The following PSAP variants were observed in gnomAD, a reference collection of about 807,000 sequenced individuals.
The protein encoded by PSAP is prosaposin, also known as precursor of saposins.
Under a neutral mutation model 66.0 loss-of-function variants are expected in PSAP, and 25 were observed. The ratio of observed to expected loss-of-function variants is 0.38; its 90% CI spans 0.28 to 0.53. The LOEUF is 0.53. Ranked by LOEUF, PSAP falls within the 20% of genes least tolerant of loss-of-function variation. PSAP has a pLI of 0.83. For missense variants in PSAP, 649 were observed against 668.8 expected, an observed-to-expected ratio of 0.97 and a Z score of 0.33; for synonymous variants, 273 against 258.9, an observed-to-expected ratio of 1.05 and a Z score of -0.52.
At chr10:71,828,262 T>C in intron 5 of PSAP, 105 bp from the exon 6 acceptor site, 2 of 1,200,172 alleles carry the variant, frequency 1.7e-6, no homozygotes, top group African/African-American at 3.0e-5. Context: ...TGCTGACCAG[T>C]TCCTAAGATG....
At chr10:71,821,518 A>T (rs945041257) in intron 8 of PSAP, among the ~76,000 whole-genome samples, 1 of 152,196 alleles carries the variant, frequency 6.6e-6, no homozygotes, top group African/African-American at 2.4e-5. Flanking sequence ...TGCTGGGAAC[A>T]TCCAGTCTGT....
chr10:71,824,248 C>A (rs528047064), intron 7 of PSAP, among the ~76,000 whole-genome samples: 2 of 152,334 alleles, frequency 1.3e-5, no homozygotes, highest in South Asian at 4.1e-4. Context: ...CAGGAGCCCA[C>A]ACTGGCCCCG....
intron 1 of PSAP, among the ~76,000 whole-genome samples, chr10:71,841,727 C>T (rs1156922880): frequency 6.6e-6 from 1 of 152,074 alleles, no homozygotes; most frequent in Non-Finnish European, 1.5e-5. Flanking sequence ...AAAAAATGGC[C>T]AGGTGCAGTG....
chr10:71,823,851 G>T, intron 7 of PSAP: 1 of 1,281,216 alleles, frequency 7.8e-7, no homozygotes, highest in African/African-American at 1.5e-5. Flanking sequence ...AGAGGAAGCA[G>T]CAGACCACTA....
Position 71,851,185 on chromosome 10 carries a change from C to G in PSAP, c.37G>C (p.Ala13Pro), listed in dbSNP as rs1327390670. ...GGATGAGGGTCCCAGGGCTTACCCG[C>G]GCCCAGGAGGCTGGCCAGGAGGAAG... ...ALFLLASLLGAALAGPVLGLK... is the reference protein window; with the variant it reads ...ALFLLASLLGPALAGPVLGLK... Residue 13 changes from alanine (A) to proline (P), a missense_variant, in exon 1 of 14, where the codon GCG becomes CCG. Ala to Pro is a conservative substitution (Grantham distance 27). Coordinates refer to ENST00000394936, the MANE Select transcript of PSAP (RefSeq NM_002778.4). The G allele has an allele frequency of 6.4e-7, 1 of 1,551,080 alleles. No homozygotes were observed. Among genetic ancestry groups the G allele is most frequent in the Non-Finnish European group, 8.7e-7 (1 of 1,146,822 alleles).
chr10:71,834,024 C>T (rs1842573420), intron 2 of PSAP, among the ~76,000 whole-genome samples: 2 of 152,182 alleles, frequency 1.3e-5, no homozygotes, highest in African/African-American at 4.8e-5. Context: ...TGGGCACTGC[C>T]AACCCACTGG....
At chr10:71,840,555 C>T (rs1377526699) in intron 1 of PSAP, among the ~76,000 whole-genome samples, 1 of 152,200 alleles carries the variant, frequency 6.6e-6, no homozygotes, top group Non-Finnish European at 1.5e-5. Flanking sequence ...CTGAATCATT[C>T]AGAATAGTAT....
At chr10:71,823,008 T>C (rs1469456543) in intron 7 of PSAP, among the ~76,000 whole-genome samples, 2 of 151,576 alleles carry the variant, frequency 1.3e-5, no homozygotes, top group Non-Finnish European at 2.9e-5. Flanking sequence ...AGCAAGCTTT[T>C]TAGAAAAAAA....
At chr10:71,844,784 A>T (rs374853664) in intron 1 of PSAP, 1 of 152,228 alleles carries the variant, frequency 6.6e-6, no homozygotes, top group African/African-American at 2.4e-5. Flanking sequence ...ATTCTAAAAG[A>T]CATAACAGTA....
intron 1 of PSAP, among the ~76,000 whole-genome samples, chr10:71,835,126 C>T (rs1318360908): frequency 6.6e-6 from 1 of 151,846 alleles, no homozygotes; most frequent in Admixed American, 6.6e-5. Flanking sequence ...CCTGTAGTTC[C>T]AGCTACTCGG....
At chr10:71,845,359 TC>T (rs1218273119) in intron 1 of PSAP, among the ~76,000 whole-genome samples, 6 of 152,250 alleles carry the variant, frequency 3.9e-5, no homozygotes, top group African/African-American at 1.4e-4. Flanking sequence ...GTTATCAGGT[TC>T]CATTTCTTAA....
intron 1 of PSAP, among the ~76,000 whole-genome samples, chr10:71,838,144 C>T (rs1413265559): frequency 6.6e-6 from 1 of 152,138 alleles, no homozygotes; most frequent in Admixed American, 6.5e-5. Flanking sequence ...AACTGGAAGG[C>T]GAATTCAAAA....
chr10:71,828,353 T>G (rs1247076318), intron 5 of PSAP, among the ~76,000 whole-genome samples, 196 bp from the exon 6 acceptor site: 2 of 151,490 alleles, frequency 1.3e-5, no homozygotes, highest in Non-Finnish European at 2.9e-5. Flanking sequence ...AAAAAGGGGG[T>G]TTAGTATAAA....
Position 71,819,863 on chromosome 10 carries a change from T to C in PSAP, c.1043A>G (p.Lys348Arg). 6 of 1,614,154 alleles carry C rather than the reference T, an allele frequency of 3.7e-6. No homozygotes were observed. The highest frequency in any genetic ancestry group is 5.1e-6 in the Non-Finnish European group (6 of 1,180,030). ...ILDAFDKMCS[K>R]LPKSLSEECQ... ...CTCTTCCGACAGGGACTTCGGCAGCTTCGAGCACATTTTGTCAAAAGCGTC... is the reference window on the plus strand; with the variant it reads ...CTCTTCCGACAGGGACTTCGGCAGCCTCGAGCACATTTTGTCAAAAGCGTC... Residue 348 changes from lysine to arginine, a missense_variant, in exon 10 of 14, where the codon AAG becomes AGG. Coordinates refer to ENST00000394936, the MANE Select transcript of PSAP (RefSeq NM_002778.4).
rs1174797357 is a variant in PSAP, at chr10:71,817,203, C to G, written c.*238G>C. The G allele has an allele frequency of 1.6e-5, 10 of 607,414 alleles. No homozygotes were observed. In the Admixed American group the frequency reaches 2.8e-4, roughly 17 times the overall value. 37.6% of individuals were successfully genotyped at this position (607,414 alleles called of 1,614,324 possible). On this transcript the variant is annotated 3_prime_UTR_variant, in exon 14 of 14. Coordinates refer to ENST00000394936, the MANE Select transcript of PSAP (RefSeq NM_002778.4). ...CATGCAAGGGCAGGCTAAAAGACCT[C>G]CAGTGCATCAACATCCATCTAGCAG...
At chr10:71,842,989 AGCACCTGTTATGTGCCAAAACTGCC>A (rs1842754368) in intron 1 of PSAP, among the ~76,000 whole-genome samples, 1 of 152,154 alleles carries the variant, frequency 6.6e-6, no homozygotes, top group Admixed American at 6.6e-5. Context: ...ATCAATGCTA[AGCACCTGTTATGTGCCAAAACTGCC>A]GCACATGCTG....
chr10:71,823,356 C>T (rs956694518), intron 7 of PSAP, among the ~76,000 whole-genome samples: 7 of 152,190 alleles, frequency 4.6e-5, no homozygotes, highest in African/African-American at 1.7e-4. Context: ...AGATTGTTTC[C>T]AATTCTCTGG....
Position 71,833,016 on chromosome 10 carries a change from C to CAAAAAAAAAAAAAAAAAA in PSAP, c.175-1097_175-1096insTTTTTTTTTTTTTTTTTT, listed in dbSNP as rs781415981. Reference sequence around the variant, plus strand: ...TAGGCAACAGAGTGAGAGTCCATCTCAAAAAAAAAAAAAAACAAAAAACAA... The same window carrying CAAAAAAAAAAAAAAAAAA: ...TAGGCAACAGAGTGAGAGTCCATCTCAAAAAAAAAAAAAAAAAAAAAAAAAAAAAAAAACAAAAAACAA... On this transcript the variant is annotated intron_variant, in intron 2 of 13. Transcript: ENST00000394936. Among the ~76,000 whole-genome samples the CAAAAAAAAAAAAAAAAAA allele has an allele frequency of 5.9e-5, 3 of 50,702 alleles. 1 individual carries two copies. The highest frequency in any genetic ancestry group is 7.2e-5 in the Non-Finnish European group (2 of 27,862). 33.3% of individuals were successfully genotyped at this position (50,702 alleles called of 152,430 possible).
rs111244643 is a variant in PSAP at position 71,828,779 on chromosome 10, C to A, written c.576+98G>T. The A allele has an allele frequency of 2.2e-5, 29 of 1,344,478 alleles. No homozygotes were observed. In the African/African-American group the frequency reaches 2.3e-4, roughly 11 times the overall value. The allele number at this position is 1,344,478 out of a possible 1,614,324, so 83.3% of individuals were successfully genotyped here. A position where few individuals can be genotyped will look rare whatever the true frequency, so the allele number is the denominator to read the frequency against. ...CTGCAGAGTCACGCACAGGGATAAG[C>A]CCCAGTTTAAGAACCACACGTGCCC... On this transcript the variant is annotated intron_variant, in intron 5 of 13. Transcript: ENST00000394936.
Sources: allele counts gnomAD v4.1 joint callset (sites outside exome capture counted in the v4.1 genomes callset), GRCh38; gene constraint gnomAD v4.1.1; transcripts MANE v1.5; gene names NCBI Gene and HGNC (gene_info 2026-07-23, HGNC 2026-07-21).